Variants in SYT7 observed in about 807,000 individuals in gnomAD.
The protein encoded by SYT7 is synaptotagmin-7.
In SYT7, 29 loss-of-function variants were observed where a neutral mutation model predicts 75.1. The ratio of observed to expected loss-of-function variants is 0.39; its 90% CI spans 0.29 to 0.53. The LOEUF is 0.53. Ranked by LOEUF, SYT7 falls within the 20% of genes least tolerant of loss-of-function variation. The probability of loss-of-function intolerance (pLI) is 0.77; values close to 1 mark genes in which losing one functional copy is unlikely to be tolerated. For missense variants in SYT7, 693 were observed against 953.2 expected (o/e 0.73, Z 3.59); for synonymous variants, 376 against 401.7 (o/e 0.94, Z 0.76).
Position 61,556,224 on chromosome 11 carries a change from C to G in SYT7, c.32-17G>C. On this transcript the variant is annotated splice_polypyrimidine_tract_variant and intron_variant, in intron 1 of 12. Transcript: ENST00000539008. ...AGGGCGCCCCTGGGGAGGACAGGTA[C>G]AGGTCACACCCTCATTGGCCAGGGC... 2 of 1,605,344 alleles carry G rather than the reference C, an allele frequency of 1.2e-6. No individual in the cohort carries two copies. The highest frequency in any genetic ancestry group is 3.4e-5 in the Admixed American group (2 of 59,266).
At position 61,542,127 on chromosome 11, in the gene SYT7, C is replaced by T. The variant is rs2063059389; in HGVS notation, c.941+84G>A. The T allele has an allele frequency of 6.8e-7, 1 of 1,464,994 alleles. No homozygotes were observed. The highest frequency in any genetic ancestry group is 2.2e-4 in the Middle Eastern group (1 of 4,596). The allele number at this position is 1,464,994 out of a possible 1,614,324, so 90.7% of individuals were successfully genotyped here. A position where few individuals can be genotyped will look rare whatever the true frequency, so the allele number is the denominator to read the frequency against. Reference sequence around the variant, plus strand: ...GGGATGGAGGGCCGGGAGGTACACACAACCAGCTGCTCCCAAGGAGATCTG... The same window carrying T: ...GGGATGGAGGGCCGGGAGGTACACATAACCAGCTGCTCCCAAGGAGATCTG... On this transcript the variant is annotated intron_variant, in intron 6 of 12. Coordinates refer to ENST00000539008, the MANE Select transcript of SYT7 (RefSeq NM_001365809.2). This position sits in a 1 kb window ranked among gnomAD's most constrained non-coding sequence, Gnocchi z 7.8.
rs553083202 is a variant in SYT7 at position 61,576,459 on chromosome 11, G to A, written c.31+4331C>T. Among the ~76,000 whole-genome samples, 65 of 152,304 alleles carry A rather than the reference G, an allele frequency of 4.3e-4. No homozygotes were observed. Among genetic ancestry groups the A allele is most frequent in the African/African-American group, 1.4e-3 (59 of 41,572 alleles). On this transcript the variant is annotated intron_variant, in intron 1 of 12. Coordinates refer to ENST00000539008, the MANE Select transcript of SYT7 (RefSeq NM_001365809.2). This position sits in a 1 kb window ranked among gnomAD's most constrained non-coding sequence, Gnocchi z 4.1. The stretch of plus-strand genomic sequence containing the variant: ...GCACTGTCTGTGGAGCAGAGGACCA[G>A]CTCTATACAGGGCTGCCCATGCCCA...
intron 1 of SYT7, among the ~76,000 whole-genome samples, chr11:61,558,478 AT>A (rs1177696051): frequency 3.5e-5 from 5 of 143,376 alleles, no homozygotes; most frequent in African/African-American, 1.4e-4. Flanking sequence ...TCAAAAAAAT[AT>A]ATATATACAC....
intron 1 of SYT7, among the ~76,000 whole-genome samples, chr11:61,579,582 C>T (rs1304609183): frequency 1.3e-5 from 2 of 152,252 alleles, no homozygotes; most frequent in Non-Finnish European, 2.9e-5. Context: ...GCTGAGGCTG[C>T]CCCTAGAGGG....
intron 1 of SYT7, among the ~76,000 whole-genome samples, chr11:61,562,931 G>A (rs1273761145): frequency 6.6e-6 from 1 of 152,154 alleles, no homozygotes; most frequent in Admixed American, 6.5e-5. Context: ...CTGGGGAGCT[G>A]CAGGAGAGGG....
chr11:61,580,857 A>G lies in SYT7; in HGVS notation c.-37T>C. ...CGCCGGTTCCCTCCGGGCTCCTCAG[A>G]GCCGCCCGCGGCCGCGCGCTGCTCC... On this transcript the variant is annotated 5_prime_UTR_variant, in exon 1 of 13. Coordinates refer to ENST00000539008, the MANE Select transcript of SYT7 (RefSeq NM_001365809.2). The surrounding 1 kb of genome is among the most constrained non-coding windows in gnomAD (Gnocchi z 6.1). The G allele has an allele frequency of 1.7e-6, 2 of 1,195,692 alleles. No homozygotes were observed. Among genetic ancestry groups the G allele is most frequent in the Non-Finnish European group, 2.1e-6 (2 of 965,204 alleles). 74.1% of individuals were successfully genotyped at this position (1,195,692 alleles called of 1,614,324 possible).
chr11:61,520,081 C>G (rs1043554214), intron 12 of SYT7, among the ~76,000 whole-genome samples: 1 of 130,996 alleles, frequency 7.6e-6, no homozygotes, highest in Non-Finnish European at 1.5e-5. Context: ...GTCTCACACT[C>G]CTGACCTCGT....
chr11:61,550,499 G>A (rs1442917914), intron 3 of SYT7, among the ~76,000 whole-genome samples: 2 of 152,182 alleles, frequency 1.3e-5, no homozygotes, highest in East Asian at 3.8e-4. Flanking sequence ...AGGGAGGGAT[G>A]GGGCGCTCGG....
At chr11:61,558,126 A>G (rs1358870310) in intron 1 of SYT7, among the ~76,000 whole-genome samples, 1 of 152,210 alleles carries the variant, frequency 6.6e-6, no homozygotes, top group Non-Finnish European at 1.5e-5. Flanking sequence ...AGTAAACGCC[A>G]TTCTTACGCT....
intron 1 of SYT7, among the ~76,000 whole-genome samples, chr11:61,579,056 T>C (rs1323175882): frequency 2.0e-5 from 3 of 152,038 alleles, no homozygotes; most frequent in African/African-American, 2.4e-5. Flanking sequence ...GGTGATGTCA[T>C]GGTGCCCAGG....
At chr11:61,552,678 C>T (rs1041204618) in intron 2 of SYT7, among the ~76,000 whole-genome samples, 2 of 152,196 alleles carry the variant, frequency 1.3e-5, no homozygotes, top group Admixed American at 1.3e-4. Context: ...GCACGGGAGC[C>T]ACCTATCTAG....
intron 2 of SYT7, among the ~76,000 whole-genome samples, 196 bp downstream of exon 2, chr11:61,555,908 C>A (rs898493881): frequency 1.3e-5 from 2 of 152,152 alleles, no homozygotes; most frequent in Non-Finnish European, 2.9e-5. Context: ...CCCGGGTAAA[C>A]GCAGGGTGTG....
At chr11:61,573,874 T>G (rs1216277869) in intron 1 of SYT7, among the ~76,000 whole-genome samples, 1 of 152,234 alleles carries the variant, frequency 6.6e-6, no homozygotes, top group Admixed American at 6.5e-5. Context: ...CTCACACCCT[T>G]AGGTCTGGCA....
chr11:61,546,135 G>A lies in SYT7; in HGVS notation c.468C>T (p.Ser156=), dbSNP rs949076613. The change falls in exon 5 of 13, where the codon AGC becomes AGT. Residue 156 remains serine, a synonymous_variant. Transcript: ENST00000539008. The surrounding 1 kb of genome is among the most constrained non-coding windows in gnomAD (Gnocchi z 7.6). ...CCGGCTCGCTGGGGGCAGCCCCGCCGCTTCTCAAGGCGTCCTCTCCGGGTG... is the reference window on the plus strand; with the variant it reads ...CCGGCTCGCTGGGGGCAGCCCCGCCACTTCTCAAGGCGTCCTCTCCGGGTG... ...VPPPGEDALR[S]GGAAPSEPGS... 1.3e-5 allele frequency: 20 copies of A among 1,529,488 alleles called. No individual in the cohort carries two copies. The highest frequency in any genetic ancestry group is 5.9e-5 in the Admixed American group (3 of 50,638). The allele number at this position is 1,529,488 out of a possible 1,614,324, so 94.7% of individuals were successfully genotyped here. A position where few individuals can be genotyped will look rare whatever the true frequency, so the allele number is the denominator to read the frequency against.
intron 1 of SYT7, among the ~76,000 whole-genome samples, chr11:61,571,268 C>A (rs1402149862): frequency 6.6e-6 from 1 of 152,234 alleles, no homozygotes; most frequent in Non-Finnish European, 1.5e-5. Flanking sequence ...CACAGTCATG[C>A]ATCTGCATGA....
chr11:61,560,144 T>C (rs1225057620), intron 1 of SYT7, among the ~76,000 whole-genome samples: 1 of 152,196 alleles, frequency 6.6e-6, no homozygotes. Flanking sequence ...TCAAATACCA[T>C]GTCCAAGTTG....
At chr11:61,566,128 C>A (rs1005240824) in intron 1 of SYT7, among the ~76,000 whole-genome samples, 1 of 152,256 alleles carries the variant, frequency 6.6e-6, no homozygotes, top group Non-Finnish European at 1.5e-5. Context: ...TCTGCTGTCT[C>A]TTCCAGTCGA....
chr11:61,554,480 C>T (rs922901375), intron 2 of SYT7, among the ~76,000 whole-genome samples: 1 of 152,060 alleles, frequency 6.6e-6, no homozygotes, highest in African/African-American at 2.4e-5. Flanking sequence ...ACACACAGTG[C>T]ACCAATACCC....
Position 61,546,076 on chromosome 11 carries a change from C to T in SYT7, c.527G>A (p.Arg176Gln), listed in dbSNP as rs747186203. Residue 176 changes from arginine to glutamine, a missense_variant, in exon 5 of 13, where the codon CGG becomes CAG. Transcript: ENST00000539008. The surrounding 1 kb of genome is among the most constrained non-coding windows in gnomAD (Gnocchi z 7.6). The part of the protein sequence containing the change: ...SGGKAGRGRW[R>Q]TVQSHLAAGK... ...TGCGGCCAGGTGGCTCTGCACCGTC[C>T]GCCAGCGGCCTCTCCCCGCCTTGCC... The T allele has an allele frequency of 3.2e-4, 485 of 1,532,354 alleles. No individual in the cohort carries two copies. Among genetic ancestry groups the T allele is most frequent in the Non-Finnish European group, 4.1e-4 (468 of 1,145,310 alleles). The allele number at this position is 1,532,354 out of a possible 1,614,324, so 94.9% of individuals were successfully genotyped here. A position where few individuals can be genotyped will look rare whatever the true frequency, so the allele number is the denominator to read the frequency against.
Sources: gnomAD v4.1 joint callset for allele counts (sites outside exome capture counted in the v4.1 genomes callset) on GRCh38, gnomAD v4.1.1 for gene constraint, Gnocchi (gnomAD v3.1) non-coding constraint, MANE v1.5 for transcripts, NCBI Gene and HGNC (gene_info 2026-07-23, HGNC 2026-07-21) for gene names.